Variants in AGBL4 observed in about 807,000 individuals in gnomAD.
The protein encoded by AGBL4 is AGBL carboxypeptidase 4.
AGBL4 carries 58 observed loss-of-function variants against 66.4 expected under a neutral mutation model. That is an observed-to-expected ratio of 0.87 (90% CI 0.71 to 1.09). AGBL4 has a LOEUF of 1.09. Ranked by LOEUF, AGBL4 falls within the 50% of genes least tolerant of loss-of-function variation. AGBL4 has a pLI of 0.00. For synonymous variants in AGBL4, 234 were observed against 222.9 expected (o/e 1.05, Z -0.44); for missense variants, 579 against 631.0 (o/e 0.92, Z 0.88).
At chr1:49,328,429 T>C (rs1645266867) in intron 3 of AGBL4, among the ~76,000 whole-genome samples, 1 of 152,212 alleles carries the variant, frequency 6.6e-6, no homozygotes, top group South Asian at 2.1e-4. Flanking sequence ...CTTCTTGTCT[T>C]GGTTTTCTCA....
chr1:49,879,356 G>A (rs1297562505), intron 1 of AGBL4, among the ~76,000 whole-genome samples: 1 of 150,438 alleles, frequency 6.6e-6, no homozygotes, highest in African/African-American at 2.5e-5. Flanking sequence ...GGCAGGCCTG[G>A]TGGTGACAAA....
chr1:49,188,119 A>C (rs1384170959), intron 4 of AGBL4, among the ~76,000 whole-genome samples: 1 of 152,138 alleles, frequency 6.6e-6, no homozygotes, highest in East Asian at 1.9e-4. Context: ...CTGTAAGTCC[A>C]TTAAACTTCT....
chr1:49,373,557 T>C (rs1221230643), intron 3 of AGBL4, among the ~76,000 whole-genome samples: 1 of 152,128 alleles, frequency 6.6e-6, no homozygotes, highest in African/African-American at 2.4e-5. Flanking sequence ...TAGGTTAACA[T>C]AGAGGGCAAA....
chr1:48,591,702 T>G (rs999209223), intron 9 of AGBL4, among the ~76,000 whole-genome samples: 8 of 152,212 alleles, frequency 5.3e-5, no homozygotes, highest in Non-Finnish European at 1.2e-4. Context: ...TGAGTTAGCC[T>G]TGTGTCATGA....
At position 49,458,076 on chromosome 1, in the gene AGBL4, G is replaced by A. The variant is rs970267365; in HGVS notation, c.283-212212C>T. ...ATATGAATTTTAGGATTGTTTTTAC[G>A]GGTTCTGTGAATAATGATGGTAGAA... On this transcript the variant is annotated intron_variant, in intron 3 of 13. Transcript: ENST00000371839. Among the ~76,000 whole-genome samples the A allele has an allele frequency of 1.5e-4, 23 of 151,410 alleles. 1 individual carries two copies. The highest frequency in any genetic ancestry group is 6.8e-3 in the Middle Eastern group (2 of 294).
At chr1:48,846,552 C>T (rs1001772682) in intron 6 of AGBL4, among the ~76,000 whole-genome samples, 2 of 152,178 alleles carry the variant, frequency 1.3e-5, no homozygotes, top group African/African-American at 4.8e-5. Flanking sequence ...TGCTTCATTG[C>T]CTATAATTCA....
At chr1:50,019,306 T>TCTCTCTCTCTCTCTCACA (rs1167835143) in intron 1 of AGBL4, among the ~76,000 whole-genome samples, 16 of 48,432 alleles carry the variant, frequency 3.3e-4, no homozygotes, top group Non-Finnish European at 4.1e-4. Flanking sequence ...TCTCTCTCTC[T>TCTCTCTCTCTCTCTCACA]CACACACACA....
At position 49,842,414 on chromosome 1, in the gene AGBL4, G is replaced by C. The variant is rs1045281483; in HGVS notation, c.157+8982C>G. 5 of 779,594 alleles carry C rather than the reference G, an allele frequency of 6.4e-6. No individual in the cohort carries two copies. In the African/African-American group the frequency reaches 9.3e-5, roughly 15 times the overall value. 48.3% of individuals were successfully genotyped at this position (779,594 alleles called of 1,614,324 possible). On this transcript the variant is annotated intron_variant, in intron 2 of 13. Transcript: ENST00000371839. ...TGAGATGGGAGCCCTTCAGGGCTGA[G>C]AGAAGCCTGTCCATGCTTGCTCCCT...
chr1:49,995,364 T>C, intron 1 of AGBL4: 1 of 443,284 alleles, frequency 2.3e-6, no homozygotes, highest in Non-Finnish European at 4.5e-6. Flanking sequence ...GGATGAGGCC[T>C]GTCACTGCGG....
chr1:48,602,967 T>C (rs1018360758), intron 9 of AGBL4, among the ~76,000 whole-genome samples: 2 of 152,180 alleles, frequency 1.3e-5, no homozygotes, highest in African/African-American at 4.8e-5. Context: ...AAGTGAAGAC[T>C]GGGTGAAAGT....
chr1:48,785,820 C>T (rs1645395095), intron 6 of AGBL4, among the ~76,000 whole-genome samples: 1 of 152,134 alleles, frequency 6.6e-6, no homozygotes, highest in African/African-American at 2.4e-5. Flanking sequence ...CTCTAACCCC[C>T]TACTTAGTTA....
At chr1:49,506,235 CAAG>C (rs1648673212) in intron 3 of AGBL4, among the ~76,000 whole-genome samples, 2 of 151,640 alleles carry the variant, frequency 1.3e-5, no homozygotes, top group Admixed American at 1.3e-4. Flanking sequence ...ACTGATATAA[CAAG>C]AAAGAAAAAA....
chr1:49,367,949 C>A (rs1212024099), intron 3 of AGBL4, among the ~76,000 whole-genome samples: 1 of 152,110 alleles, frequency 6.6e-6, no homozygotes, highest in East Asian at 1.9e-4. Context: ...CCATTGGCAA[C>A]CACTAATCTG....
At chr1:49,351,581 T>C (rs1383387576) in intron 3 of AGBL4, among the ~76,000 whole-genome samples, 1 of 152,164 alleles carries the variant, frequency 6.6e-6, no homozygotes, top group East Asian at 1.9e-4. Flanking sequence ...GAGATGAGAT[T>C]GGTAAGGTCC....
intron 6 of AGBL4, among the ~76,000 whole-genome samples, chr1:48,747,471 T>C (rs532728246): frequency 2.8e-4 from 42 of 152,334 alleles, no homozygotes; most frequent in African/African-American, 9.4e-4. Flanking sequence ...CAAGAGGCAC[T>C]GGGGACCCAG....
intron 11 of AGBL4, among the ~76,000 whole-genome samples, chr1:48,581,195 G>A (rs1644735193): frequency 6.6e-6 from 1 of 152,120 alleles, no homozygotes; most frequent in East Asian, 1.9e-4. Flanking sequence ...TTGGTTGGAT[G>A]GATGAGTAAA....
At chr1:49,455,622 A>G (rs1366221670) in intron 3 of AGBL4, among the ~76,000 whole-genome samples, 1 of 151,666 alleles carries the variant, frequency 6.6e-6, no homozygotes, top group Admixed American at 6.6e-5. Flanking sequence ...TCTCTATGCT[A>G]CTGTTGTCCC....
At chr1:49,544,100 C>A (rs1420135988) in intron 3 of AGBL4, among the ~76,000 whole-genome samples, 1 of 152,218 alleles carries the variant, frequency 6.6e-6, no homozygotes, top group African/African-American at 2.4e-5. Flanking sequence ...GGTAACCAGC[C>A]CAATAAATGC....
chr1:49,483,781 T>A (rs548812080), intron 3 of AGBL4, among the ~76,000 whole-genome samples: 1 of 151,368 alleles, frequency 6.6e-6, no homozygotes, highest in Admixed American at 6.6e-5. Flanking sequence ...AAGAAACTTA[T>A]GCACAGTATA....
Sources: gnomAD v4.1 joint callset for allele counts (sites outside exome capture counted in the v4.1 genomes callset) on GRCh38, gnomAD v4.1.1 for gene constraint, MANE v1.5 for transcripts, NCBI Gene and HGNC (gene_info 2026-07-23, HGNC 2026-07-21) for gene names.